Variants in TTF2 observed in about 807,000 individuals in gnomAD.
The protein encoded by TTF2 is RNA polymerase II termination factor.
A neutral mutation model predicts 142.4 loss-of-function variants in TTF2; 108 were observed. That is an observed-to-expected ratio of 0.76 (90% CI 0.65 to 0.89). TTF2 has a LOEUF of 0.89. Among genes scored for constraint, TTF2 ranks in the 40% least tolerant of loss-of-function variants. The pLI is 0.00. For synonymous variants in TTF2, 483 were observed against 506.2 expected (o/e 0.95, Z 0.61); for missense variants, 1,327 against 1,379.8 (o/e 0.96, Z 0.61).
At position 117,075,668 on chromosome 1, in the gene TTF2, G is replaced by A; in HGVS notation, c.1084G>A (p.Val362Ile). The A allele has an allele frequency of 6.2e-7, 1 of 1,614,122 alleles. No individual in the cohort carries two copies. Among genetic ancestry groups the A allele is most frequent in the Non-Finnish European group, 8.5e-7 (1 of 1,179,994 alleles). Reference sequence around the variant, plus strand: ...CGAGGAGGAAGATGATGTTGTTTTTGTTTCCTCTAAGCCTGGGAGCCCCCT... The same window carrying A: ...CGAGGAGGAAGATGATGTTGTTTTTATTTCCTCTAAGCCTGGGAGCCCCCT... ...DDEEEDDVVFVSSKPGSPLLF... is the reference protein window; with the variant it reads ...DDEEEDDVVFISSKPGSPLLF... The change falls in exon 5 of 23, where the codon GTT (valine) becomes ATT (isoleucine). Residue 362 changes from valine (V) to isoleucine (I), a missense_variant. Coordinates refer to ENST00000369466, the MANE Select transcript of TTF2 (RefSeq NM_003594.4). This position sits in a 1 kb window ranked among gnomAD's most constrained non-coding sequence, Gnocchi z 4.5.
At position 117,090,010 on chromosome 1, in the gene TTF2, G is replaced by C; in HGVS notation, c.2343-45G>C. On this transcript the variant is annotated intron_variant, in intron 13 of 22. Transcript: ENST00000369466. The surrounding 1 kb of genome is among the most constrained non-coding windows in gnomAD (Gnocchi z 4.8). ...TTTGAACCTTTATTCCATTCTCCCT[G>C]ACTTTTCCTTCCCTACTCTGTGCCC... The C allele has an allele frequency of 6.3e-7, 1 of 1,581,698 alleles. No individual in the cohort carries two copies. The highest frequency in any genetic ancestry group is 2.3e-5 in the East Asian group (1 of 44,314).
chr1:117,075,753 G>A lies in TTF2; in HGVS notation c.1169G>A (p.Ser390Asn). The change falls in exon 5 of 23, where the codon AGT becomes AAT. Residue 390 changes from serine to asparagine, a missense_variant. By Grantham distance (46) the Ser-to-Asn change is conservative. Coordinates refer to ENST00000369466, the MANE Select transcript of TTF2 (RefSeq NM_003594.4). This position sits in a 1 kb window ranked among gnomAD's most constrained non-coding sequence, Gnocchi z 4.5. ...TKENLQFPDR[S>N]VQRKVSPASG... ...GAAAACCTCCAATTCCCTGATCGAA[G>A]TGTGCAAAGAAAGGTGTCTCCTGCC... 1 of 1,614,214 alleles carries A rather than the reference G, an allele frequency of 6.2e-7. No individual in the cohort carries two copies. The highest frequency in any genetic ancestry group is 8.5e-7 in the Non-Finnish European group (1 of 1,180,028).
rs1656781215 is a variant in TTF2 at position 117,073,891 on chromosome 1, C to G, written c.285+164C>G. Among the ~76,000 whole-genome samples the G allele has an allele frequency of 6.6e-6, 1 of 152,146 alleles. No individual in the cohort carries two copies. The highest frequency in any genetic ancestry group is 6.6e-5 in the Admixed American group (1 of 15,266). ...GGTAGGCCCTGTTGGGACTTTTATT[C>G]AAAGGATCATTTAGTCGTAATCAAG... On this transcript the variant is annotated intron_variant, in intron 4 of 22. Transcript: ENST00000369466. The surrounding 1 kb of genome is among the most constrained non-coding windows in gnomAD (Gnocchi z 4.4).
chr1:117,092,815 C>T lies in TTF2; in HGVS notation c.2890C>T (p.Arg964Cys), dbSNP rs113676683. The T allele has an allele frequency of 6.2e-6, 10 of 1,614,184 alleles. No homozygotes were observed. The highest frequency in any genetic ancestry group is 2.7e-5 in the African/African-American group (2 of 75,054). ...CAGTGCTTTGACCTTGTCAGAACTC[C>T]GTGACTCAGAGCCATCTTCCACTGT... is the stretch of plus-strand genomic sequence containing the variant. ...QLSALTLSEL[R>C]DSEPSSTVSL... Residue 964 changes from arginine to cysteine, a missense_variant, in exon 18 of 23, where the codon CGT (arginine) becomes TGT (cysteine). Coordinates refer to ENST00000369466, the MANE Select transcript of TTF2 (RefSeq NM_003594.4). This position sits in a 1 kb window ranked among gnomAD's most constrained non-coding sequence, Gnocchi z 4.4.
chr1:117,085,289 C>T lies in TTF2; in HGVS notation c.2054+1121C>T, dbSNP rs759559007. On this transcript the variant is annotated intron_variant, in intron 11 of 22. Coordinates refer to ENST00000369466, the MANE Select transcript of TTF2 (RefSeq NM_003594.4). This position sits in a 1 kb window ranked among gnomAD's most constrained non-coding sequence, Gnocchi z 4.7. ...TCTCTTGGGGCTGGGCATGGTGGCT[C>T]ATGCCTATAATCCGAGCACTTTGGG... Among the ~76,000 whole-genome samples, 76 of 152,298 alleles carry T rather than the reference C, an allele frequency of 5.0e-4. No homozygotes were observed. The highest frequency in any genetic ancestry group is 3.4e-3 in the Middle Eastern group (1 of 294).
Position 117,079,911 on chromosome 1 carries a change from T to C in TTF2, c.1783+262T>C, listed in dbSNP as rs2101053273. Among the ~76,000 whole-genome samples, 1 of 151,936 alleles carries C rather than the reference T, an allele frequency of 6.6e-6. No individual in the cohort carries two copies. The highest frequency in any genetic ancestry group is 1.9e-4 in the East Asian group (1 of 5,150). The stretch of plus-strand genomic sequence containing the variant: ...GAGGAGGAGTTTATTTTTTGGTGGC[T>C]CCCACAATCTCTAGGAGATACGGAG... On this transcript the variant is annotated intron_variant, in intron 9 of 22. Transcript: ENST00000369466. The surrounding 1 kb of genome is among the most constrained non-coding windows in gnomAD (Gnocchi z 4.2).
rs2101107856 is a variant in TTF2, at chr1:117,087,832, C to T, written c.2161-969C>T. Among the ~76,000 whole-genome samples, 1 of 152,326 alleles carries T rather than the reference C, an allele frequency of 6.6e-6. No individual in the cohort carries two copies. The highest frequency in any genetic ancestry group is 1.9e-4 in the East Asian group (1 of 5,180). On this transcript the variant is annotated intron_variant, in intron 12 of 22. Coordinates refer to ENST00000369466, the MANE Select transcript of TTF2 (RefSeq NM_003594.4). The surrounding 1 kb of genome is among the most constrained non-coding windows in gnomAD (Gnocchi z 4.8). ...CTTTTCTGGACCACTCCCTTCCCAC[C>T]TTCCCCCGGTTTGGTTGAATGCCTC...
chr1:117,065,963 C>T (rs1247648741), intron 3 of TTF2, among the ~76,000 whole-genome samples: 1 of 145,802 alleles, frequency 6.9e-6, no homozygotes, highest in Admixed American at 6.8e-5. Context: ...GAAATAATAG[C>T]TACCATTGAA....
intron 17 of TTF2, 42 bp downstream of exon 17, chr1:117,091,992 G>A: frequency 1.3e-6 from 2 of 1,551,412 alleles, no homozygotes; most frequent in South Asian, 2.4e-5. Flanking sequence ...GTGCTCCAGA[G>A]GGGCCACCTG....
chr1:117,078,186 A>C (rs1169040593), intron 8 of TTF2, 143 bp downstream of exon 8: 2 of 1,084,850 alleles, frequency 1.8e-6, no homozygotes, highest in East Asian at 5.3e-5. Flanking sequence ...CTCTCCTTTT[A>C]TGCTTAACAG....
At position 117,099,109 on chromosome 1, in the gene TTF2, A is replaced by G. The variant is rs1402846637; in HGVS notation, c.3344+202A>G. On this transcript the variant is annotated intron_variant, in intron 22 of 22. Coordinates refer to ENST00000369466, the MANE Select transcript of TTF2 (RefSeq NM_003594.4). The surrounding 1 kb of genome is among the most constrained non-coding windows in gnomAD (Gnocchi z 4.3). ...TAAGCTTGAAGTTGGTCACTGCAAAAGAAGAGCAAATTTGTGTATATGGTG... is the reference window on the plus strand; with the variant it reads ...TAAGCTTGAAGTTGGTCACTGCAAAGGAAGAGCAAATTTGTGTATATGGTG... Among the ~76,000 whole-genome samples, 1 of 152,152 alleles carries G rather than the reference A, an allele frequency of 6.6e-6. No homozygotes were observed. Among genetic ancestry groups the G allele is most frequent in the African/African-American group, 2.4e-5 (1 of 41,432 alleles).
Position 117,099,033 on chromosome 1 carries a change from A to G in TTF2, c.3344+126A>G. ...GATGACTTTACTGATGATGCCCCTG[A>G]GGCATACCTTCAGGCAAACCACAGT... On this transcript the variant is annotated intron_variant, in intron 22 of 22. Transcript: ENST00000369466. The surrounding 1 kb of genome is among the most constrained non-coding windows in gnomAD (Gnocchi z 4.3). The G allele has an allele frequency of 2.4e-6, 2 of 842,904 alleles. No individual in the cohort carries two copies. Among genetic ancestry groups the G allele is most frequent in the Non-Finnish European group, 3.5e-6 (2 of 573,730 alleles). 52.2% of individuals were successfully genotyped at this position (842,904 alleles called of 1,614,324 possible). A position where few individuals can be genotyped will look rare whatever the true frequency, so the allele number is the denominator to read the frequency against.
In TTF2 at chr1:117,100,184, C is replaced by T. The variant is rs1240569752; in HGVS notation, c.3345-1196C>T. On this transcript the variant is annotated intron_variant, in intron 22 of 22. Transcript: ENST00000369466. The surrounding 1 kb of genome is among the most constrained non-coding windows in gnomAD (Gnocchi z 4.6). Reference sequence around the variant, plus strand: ...TACAAATAGAAATTGATTTTCTCTTCCTATTATCTCAAATCTGCTATTCTT... The same window carrying T: ...TACAAATAGAAATTGATTTTCTCTTTCTATTATCTCAAATCTGCTATTCTT... 6.6e-6 allele frequency among the ~76,000 whole-genome samples: 1 copy of T among 152,228 alleles called. No individual in the cohort carries two copies. Among genetic ancestry groups the T allele is most frequent in the African/African-American group, 2.4e-5 (1 of 41,464 alleles).
intron 3 of TTF2, among the ~76,000 whole-genome samples, chr1:117,072,829 A>AC (rs1656705742): frequency 6.6e-6 from 1 of 152,188 alleles, no homozygotes; most frequent in Non-Finnish European, 1.5e-5. Context: ...CAATCTTAGC[A>AC]CATTGCAGCC....
chr1:117,081,724 C>T, intron 9 of TTF2, 104 bp from the exon 10 acceptor site: 1 of 1,425,470 alleles, frequency 7.0e-7, no homozygotes, highest in Non-Finnish European at 9.5e-7. Context: ...GTGGCACTGA[C>T]AGAGAACAAT....
chr1:117,065,074 T>C (rs1342576300), intron 3 of TTF2, among the ~76,000 whole-genome samples: 1 of 152,238 alleles, frequency 6.6e-6, no homozygotes, highest in African/African-American at 2.4e-5. Flanking sequence ...GTTCCATTGA[T>C]CCATTTGCCT....
rs1648278447 is a variant in TTF2, at chr1:117,088,860, C to T, written c.2220C>T (p.His740=). The change falls in exon 13 of 23, where the codon CAC becomes CAT. Residue 740 remains histidine (H), a synonymous_variant. Coordinates refer to ENST00000369466, the MANE Select transcript of TTF2 (RefSeq NM_003594.4). ...AWARIILDEA[H]NVKNPRVQTS... is the part of the protein sequence containing the mutation. ...CTCGAATCATATTGGATGAAGCTCA[C>T]AATGTTAAGAATCCCCGAGTGCAGA... 1 of 1,614,180 alleles carries T rather than the reference C, an allele frequency of 6.2e-7. No homozygotes were observed. Among genetic ancestry groups the T allele is most frequent in the Non-Finnish European group, 8.5e-7 (1 of 1,180,032 alleles).
chr1:117,069,928 C>T (rs1217602754), intron 3 of TTF2, among the ~76,000 whole-genome samples: 1 of 152,234 alleles, frequency 6.6e-6, no homozygotes, highest in Non-Finnish European at 1.5e-5. Context: ...AATTAATAAA[C>T]ATACTGCAGA....
chr1:117,070,644 C>G lies in TTF2; in HGVS notation c.219-3017C>G, dbSNP rs1329039692. Among the ~76,000 whole-genome samples, 2 of 152,190 alleles carry G rather than the reference C, an allele frequency of 1.3e-5. No homozygotes were observed. The highest frequency in any genetic ancestry group is 2.4e-5 in the African/African-American group (1 of 41,436). On this transcript the variant is annotated intron_variant, in intron 3 of 22. Coordinates refer to ENST00000369466, the MANE Select transcript of TTF2 (RefSeq NM_003594.4). The surrounding 1 kb of genome is among the most constrained non-coding windows in gnomAD (Gnocchi z 4.2). ...AAGTAGTAGCACCCACTGATGGCAGCTGTTACTTTGAATTTTATGCATTCA... is the reference window on the plus strand; with the variant it reads ...AAGTAGTAGCACCCACTGATGGCAGGTGTTACTTTGAATTTTATGCATTCA...
Sources: allele counts gnomAD v4.1 joint callset (sites outside exome capture counted in the v4.1 genomes callset), GRCh38; gene constraint gnomAD v4.1.1; non-coding constraint Gnocchi (gnomAD v3.1); transcripts MANE v1.5; gene names NCBI Gene and HGNC (gene_info 2026-07-23, HGNC 2026-07-21).